Variants in NMNAT1 observed in about 807,000 individuals in gnomAD.
NMNAT1 encodes nicotinamide/nicotinic acid mononucleotide adenylyltransferase 1.
Under a neutral mutation model 16.7 loss-of-function variants are expected in NMNAT1, and 11 were observed. The observed-to-expected ratio is 0.66, with a 90% confidence interval of 0.41 to 1.09. The LOEUF is 1.09. Ranked by LOEUF, NMNAT1 falls within the 50% of genes least tolerant of loss-of-function variation. The pLI, the probability that NMNAT1 is intolerant of heterozygous loss-of-function variation, is 0.00. For synonymous variants in NMNAT1, 110 were observed against 119.8 expected (o/e 0.92, Z 0.53); for missense variants, 280 against 332.3 (o/e 0.84, Z 1.22).
rs1409641623 is a variant in NMNAT1 at position 9,965,731 on chromosome 1, A to G, written c.-56-6287A>G. 5.3e-5 allele frequency among the ~76,000 whole-genome samples: 8 copies of G among 152,238 alleles called. No individual in the cohort carries two copies. In the East Asian group the frequency reaches 1.4e-3, roughly 26 times the overall value. On this transcript the variant is annotated intron_variant, in intron 1 of 4. Transcript: ENST00000377205. ...AATATTTATTTTGAAGTCCAAGCACAGTAGCTCATGCCTGTAATCCCTTTG... is the reference window on the plus strand; with the variant it reads ...AATATTTATTTTGAAGTCCAAGCACGGTAGCTCATGCCTGTAATCCCTTTG...
At chr1:9,949,580 T>TTC (rs1553124229) in intron 1 of NMNAT1, 1 of 147,780 alleles carries the variant, frequency 6.8e-6, no homozygotes, top group Non-Finnish European at 1.5e-5. Context: ...CAGCTAATTT[T>TTC]TGTGTGTGTA....
the NMNAT1 span, among the ~76,000 whole-genome samples, chr1:9,995,803 C>T: frequency 0.014 from 2,193 of 151,974 alleles, 39 homozygotes; most frequent in African/African-American, 0.037. Context: ...CTGAGGCAGG[C>T]GAATCACGAG....
At chr1:9,995,983 G>A in the NMNAT1 span, among the ~76,000 whole-genome samples, 1 of 144,078 alleles carries the variant, frequency 6.9e-6, no homozygotes, top group Non-Finnish European at 1.5e-5. Context: ...GAGCCGAGAT[G>A]GAACCACTGC....
At chr1:9,971,952 A>G in intron 1 of NMNAT1, 66 bp from the exon 2 acceptor site, 1 of 671,466 alleles carries the variant, frequency 1.5e-6, no homozygotes, top group Non-Finnish European at 2.7e-6. Context: ...CCAGGGTGGC[A>G]GAGCAAGACC....
At chr1:9,955,175 G>T (rs1413953681) in intron 1 of NMNAT1, among the ~76,000 whole-genome samples, 1 of 151,940 alleles carries the variant, frequency 6.6e-6, no homozygotes, top group Non-Finnish European at 1.5e-5. Context: ...GGCTGAGGCT[G>T]GTGGATCACC....
chr1:9,996,309 C>CAAAAAAA, the NMNAT1 span, among the ~76,000 whole-genome samples: 5 of 101,908 alleles, frequency 4.9e-5, no homozygotes, highest in African/African-American at 7.6e-5. Flanking sequence ...GACTCCGTCT[C>CAAAAAAA]AAAAAAAAAA....
intron 1 of NMNAT1, among the ~76,000 whole-genome samples, chr1:9,965,537 G>A (rs1570695948): frequency 6.6e-6 from 1 of 151,532 alleles, no homozygotes; most frequent in Non-Finnish European, 1.5e-5. Flanking sequence ...CCAAGTACCT[G>A]GGATTACATG....
the NMNAT1 span, among the ~76,000 whole-genome samples, chr1:9,995,144 C>A: frequency 1.3e-5 from 2 of 152,132 alleles, no homozygotes; most frequent in African/African-American, 4.8e-5. Flanking sequence ...CACCTGTAAT[C>A]CCAGCACTTT....
intron 1 of NMNAT1, chr1:9,947,477 C>G (rs888906625): frequency 6.6e-6 from 1 of 152,268 alleles, no homozygotes; most frequent in African/African-American, 2.4e-5. Context: ...ACGACCATCC[C>G]CAATAGAGGA....
intron 1 of NMNAT1, among the ~76,000 whole-genome samples, chr1:9,954,869 T>G (rs1190562761): frequency 1.4e-5 from 2 of 146,224 alleles, no homozygotes; most frequent in African/African-American, 5.1e-5. Flanking sequence ...AGGCGGAGGT[T>G]GCAGTGAGCC....
In NMNAT1 at chr1:9,983,029, C is replaced by A. The variant is rs1319977490; in HGVS notation, c.*328C>A. 1.5e-5 allele frequency: 3 copies of A among 203,038 alleles called. No homozygotes were observed. The highest frequency in any genetic ancestry group is 5.5e-5 in the Admixed American group (1 of 18,328). 12.6% of individuals were successfully genotyped at this position (203,038 alleles called of 1,614,324 possible). On this transcript the variant is annotated 3_prime_UTR_variant, in exon 5 of 5. Transcript: ENST00000377205. ...GCTGAGGCAGGAGAATCACTTGACC[C>A]CAGGTGGTGGAGGTTGCAGTGAGCC...
chr1:9,974,323 T>C (rs1235922353), intron 2 of NMNAT1, among the ~76,000 whole-genome samples: 1 of 151,608 alleles, frequency 6.6e-6, no homozygotes, highest in Non-Finnish European at 1.5e-5. Context: ...CCTCCCGGAC[T>C]CAAGTGAGCT....
intron 4 of NMNAT1, chr1:9,981,609 A>T (rs1057240870): frequency 1.3e-5 from 2 of 157,524 alleles, no homozygotes; most frequent in African/African-American, 2.4e-5. Flanking sequence ...GGCCCCAAGC[A>T]GTCCTCCTGC....
rs1052640931 is a variant in NMNAT1, at chr1:9,985,438, T to C, written c.*2737T>C. On this transcript the variant is annotated 3_prime_UTR_variant, in exon 5 of 5. Transcript: ENST00000377205. ...TATTACTTTTCAAAGAATGAAGTTG[T>C]AGCCAAATCTTGAAATTTTTCATTT... 5 of 152,196 alleles carry C rather than the reference T, an allele frequency of 3.3e-5. No individual in the cohort carries two copies. Among genetic ancestry groups the C allele is most frequent in the African/African-American group, 1.2e-4 (5 of 41,456 alleles). The allele number at this position is 152,196 out of a possible 1,614,324, so 9.4% of individuals were successfully genotyped here. A position where few individuals can be genotyped will look rare whatever the true frequency, so the allele number is the denominator to read the frequency against.
At chr1:9,957,415 G>T (rs920343371) in intron 1 of NMNAT1, among the ~76,000 whole-genome samples, 1 of 151,614 alleles carries the variant, frequency 6.6e-6, no homozygotes, top group East Asian at 1.9e-4. Flanking sequence ...CCACCTCCCG[G>T]GTTCAAGCAA....
chr1:9,985,395 ATC>A lies in NMNAT1; in HGVS notation c.*2700_*2701del, dbSNP rs1485827615. ...TTTGTCTTCAGAGCCAGTACCCCTAATCTCTCTTTCTGTAAAATATTACTTTT... is the reference window on the plus strand; with the variant it reads ...TTTGTCTTCAGAGCCAGTACCCCTAATCTCTTTCTGTAAAATATTACTTTT... On this transcript the variant is annotated 3_prime_UTR_variant, in exon 5 of 5. Coordinates refer to ENST00000377205, the MANE Select transcript of NMNAT1 (RefSeq NM_022787.4). 6.6e-6 allele frequency: 1 copy of A among 152,190 alleles called. No homozygotes were observed. Among genetic ancestry groups the A allele is most frequent in the East Asian group, 1.9e-4 (1 of 5,200 alleles). The allele number at this position is 152,190 out of a possible 1,614,324, so 9.4% of individuals were successfully genotyped here.
chr1:9,992,924 A>G, the NMNAT1 span, among the ~76,000 whole-genome samples: 1 of 152,028 alleles, frequency 6.6e-6, no homozygotes, highest in African/African-American at 2.4e-5. Context: ...AAAAGAAGAA[A>G]AAGAAAAGAA....
intron 1 of NMNAT1, among the ~76,000 whole-genome samples, chr1:9,961,118 C>T (rs1489105009): frequency 6.6e-6 from 1 of 152,096 alleles, no homozygotes; most frequent in African/African-American, 2.4e-5. Flanking sequence ...ATAGATGTAA[C>T]AAGGGAGAAA....
intron 1 of NMNAT1, among the ~76,000 whole-genome samples, chr1:9,959,631 A>G (rs935615554): frequency 2.0e-5 from 3 of 152,162 alleles, no homozygotes; most frequent in Non-Finnish European, 4.4e-5. Context: ...CAGTGAGCCA[A>G]GATTGCACGC....
Sources: allele counts gnomAD v4.1 joint callset (sites outside exome capture counted in the v4.1 genomes callset), GRCh38; gene constraint gnomAD v4.1.1; transcripts MANE v1.5; gene names NCBI Gene and HGNC (gene_info 2026-07-23, HGNC 2026-07-21).